MGAM2: variants seen among roughly 807,000 people sequenced by gnomAD.
MGAM2 encodes probable maltase-glucoamylase 2.
Under a neutral mutation model 96.1 loss-of-function variants are expected in MGAM2, and 98 were observed. The observed-to-expected ratio is 1.02, with a 90% CI of 0.87 to 1.21. The LOEUF is 1.21. MGAM2 is among the 50% of genes most tolerant of loss of function. The probability of loss-of-function intolerance (pLI) is 0.00; values close to 1 mark genes in which losing one functional copy is unlikely to be tolerated. For synonymous variants in MGAM2, 749 were observed against 414.8 expected, an observed-to-expected ratio of 1.81 and a Z score of -9.79; for missense variants, 2,055 against 1,182.4, an observed-to-expected ratio of 1.74 and a Z score of -10.82.
chr7:142,175,852 G>T, intron 32 of MGAM2, 72 bp downstream of exon 32: 1 of 668,242 alleles, frequency 1.5e-6, no homozygotes, highest in Non-Finnish European at 2.7e-6. Context: ...ACCATTGTGG[G>T]AAACTGGATG....
At chr7:142,169,828 C>T (rs1021583836) in intron 26 of MGAM2, among the ~76,000 whole-genome samples, 1 of 152,138 alleles carries the variant, frequency 6.6e-6, no homozygotes, top group African/African-American at 2.4e-5. Context: ...CCCCTTCTAT[C>T]ACAGATTCTT....
At chr7:142,218,672 T>C (rs546187061) in intron 47 of MGAM2, 141 bp downstream of exon 47, 5 of 577,946 alleles carry the variant, frequency 8.7e-6, no homozygotes, top group South Asian at 2.3e-5. Flanking sequence ...GCAATAGATA[T>C]GTTCCTGAAA....
At chr7:142,181,828 A>C (rs960071004) in intron 32 of MGAM2, among the ~76,000 whole-genome samples, 1 of 152,120 alleles carries the variant, frequency 6.6e-6, no homozygotes, top group Non-Finnish European at 1.5e-5. Flanking sequence ...TGGTGCCATG[A>C]TCCAGTATTT....
chr7:142,179,081 T>A (rs926360320), intron 32 of MGAM2, among the ~76,000 whole-genome samples: 4 of 152,200 alleles, frequency 2.6e-5, no homozygotes, highest in African/African-American at 7.2e-5. Flanking sequence ...GTTTTTATAG[T>A]TCTTCTAGGT....
chr7:142,198,586 C>T (rs1474382747), intron 43 of MGAM2, 29 bp from the exon 44 acceptor site: 2 of 700,044 alleles, frequency 2.9e-6, no homozygotes, highest in Admixed American at 2.0e-5. Flanking sequence ...TTATCTCTCG[C>T]CATTTTTTGC....
In MGAM2 at chr7:142,148,826, T is replaced by A. The variant is rs1028369648; in HGVS notation, c.1634+1253T>A. Reference sequence around the variant, plus strand: ...GCTCTACAAGACAGGGAGACTTTGATGGGTTTATGGGGCCTGTCTCAGTCC... The same window carrying A: ...GCTCTACAAGACAGGGAGACTTTGAAGGGTTTATGGGGCCTGTCTCAGTCC... On this transcript the variant is annotated intron_variant, in intron 15 of 47. Coordinates refer to ENST00000477922, the MANE Select transcript of MGAM2 (RefSeq NM_001293626.2). This position sits in a 1 kb window ranked among gnomAD's most constrained non-coding sequence, Gnocchi z 4.2. Among the ~76,000 whole-genome samples, 1 of 152,184 alleles carries A rather than the reference T, an allele frequency of 6.6e-6. No individual in the cohort carries two copies. The highest frequency in any genetic ancestry group is 2.4e-5 in the African/African-American group (1 of 41,448).
chr7:142,122,596 G>T (rs548840346), intron 3 of MGAM2, among the ~76,000 whole-genome samples: 2 of 152,310 alleles, frequency 1.3e-5, no homozygotes, highest in South Asian at 4.1e-4. Context: ...GCTTGTTGCA[G>T]AACTTCATAT....
chr7:142,174,713 C>CTTTTTTTTTTTTTTTTTTTTT (rs1410980226), intron 31 of MGAM2, among the ~76,000 whole-genome samples: 1 of 78,262 alleles, frequency 1.3e-5, no homozygotes, highest in African/African-American at 7.6e-5. Context: ...CTCTCTCTCT[C>CTTTTTTTTTTTTTTTTTTTTT]TCTTTTTTTT....
chr7:142,190,198 T>C (rs948136737), intron 37 of MGAM2, among the ~76,000 whole-genome samples: 2 of 151,844 alleles, frequency 1.3e-5, no homozygotes, highest in Non-Finnish European at 2.9e-5. Flanking sequence ...TTCTGTGTCA[T>C]ATAGGAACTG....
At chr7:142,172,950 C>T (rs1796244582) in intron 30 of MGAM2, among the ~76,000 whole-genome samples, 186 bp downstream of exon 30, 1 of 152,086 alleles carries the variant, frequency 6.6e-6, no homozygotes. Flanking sequence ...TCCCATGTGT[C>T]CCTCACTTGC....
At chr7:142,114,434 G>A (rs955668897) in intron 1 of MGAM2, among the ~76,000 whole-genome samples, 1 of 151,950 alleles carries the variant, frequency 6.6e-6, no homozygotes, top group African/African-American at 2.4e-5. Context: ...ACACAGCCAA[G>A]CCAATAACAC....
Position 142,220,701 on chromosome 7 carries a change from C to T in MGAM2, c.6190C>T (p.Pro2064Ser). The T allele has an allele frequency of 1.4e-6, 1 of 702,284 alleles. No individual in the cohort carries two copies. The highest frequency in any genetic ancestry group is 1.5e-5 in the South Asian group (1 of 67,598). 43.5% of individuals were successfully genotyped at this position (702,284 alleles called of 1,614,324 possible). ...TGCTACTGTTCCTATTACAACCACA[C>T]CTTCCCCTACAAATACTGCTGATGC... is the stretch of plus-strand genomic sequence containing the variant. ...TSATVPITTTPSPTNTADANT... is the reference protein window; with the variant it reads ...TSATVPITTTSSPTNTADANT... The change falls in exon 48 of 48, where the codon CCT becomes TCT. Residue 2064 changes from proline to serine, a missense_variant. Physicochemically the swap from Pro to Ser is moderately conservative, Grantham distance 74. Transcript: ENST00000477922.
intron 26 of MGAM2, among the ~76,000 whole-genome samples, chr7:142,169,168 C>T (rs1254939255): frequency 6.6e-6 from 1 of 152,160 alleles, no homozygotes; most frequent in African/African-American, 2.4e-5. Flanking sequence ...TGGTGGCTCA[C>T]ACCTGTAATC....
intron 23 of MGAM2, among the ~76,000 whole-genome samples, chr7:142,162,818 C>T (rs1041811975): frequency 6.6e-6 from 1 of 151,704 alleles, no homozygotes; most frequent in African/African-American, 2.4e-5. Context: ...CCTATGGTAA[C>T]ATCTTATAAA....
At chr7:142,195,321 T>C (rs901293480) in intron 37 of MGAM2, among the ~76,000 whole-genome samples, 12 of 150,748 alleles carry the variant, frequency 8.0e-5, no homozygotes, top group African/African-American at 2.9e-4. Context: ...TGTGTGAGTT[T>C]CTGTGCCTGG....
At chr7:142,216,770 C>T (rs1187991343) in intron 46 of MGAM2, among the ~76,000 whole-genome samples, 1 of 152,174 alleles carries the variant, frequency 6.6e-6, no homozygotes, top group Non-Finnish European at 1.5e-5. Flanking sequence ...AAGTCTTGTT[C>T]ATCCTTCATG....
At chr7:142,172,288 G>GA in intron 29 of MGAM2, 94 bp downstream of exon 29, 1 of 569,868 alleles carries the variant, frequency 1.8e-6, no homozygotes, top group East Asian at 2.9e-5. Flanking sequence ...CATTCAGGGG[G>GA]CAAGGGAAAT....
At chr7:142,156,821 A>G (rs913706383) in intron 17 of MGAM2, among the ~76,000 whole-genome samples, 3 of 152,234 alleles carry the variant, frequency 2.0e-5, no homozygotes, top group Non-Finnish European at 4.4e-5. Flanking sequence ...GTAACGCAGT[A>G]TAGGATGACA....
intron 47 of MGAM2, among the ~76,000 whole-genome samples, chr7:142,219,440 C>A (rs757170596): frequency 6.6e-6 from 1 of 152,134 alleles, no homozygotes; most frequent in Non-Finnish European, 1.5e-5. Flanking sequence ...GCAGAAAATC[C>A]TTGAATACCT....
Sources: gnomAD v4.1 joint callset for allele counts (sites outside exome capture counted in the v4.1 genomes callset) on GRCh38, gnomAD v4.1.1 for gene constraint, Gnocchi (gnomAD v3.1) non-coding constraint, MANE v1.5 for transcripts, NCBI Gene and HGNC (gene_info 2026-07-23, HGNC 2026-07-21) for gene names.